FRMD4A: variants seen among roughly 807,000 people sequenced by gnomAD.
FRMD4A encodes FERM domain containing 4A, also known as FERM domain-containing protein 4A.
Under a neutral mutation model 129.1 loss-of-function variants are expected in FRMD4A, and 29 were observed. The ratio of observed to expected loss-of-function variants is 0.22; its 90% CI spans 0.17 to 0.31. The LOEUF (loss-of-function observed/expected upper bound fraction) is 0.31. FRMD4A is among the 10% of genes least tolerant of loss of function. The pLI is 1.00. For synonymous variants in FRMD4A, 634 were observed against 571.6 expected, an observed-to-expected ratio of 1.11 and a Z score of -1.56; for missense variants, 1,272 against 1,375.8, an observed-to-expected ratio of 0.92 and a Z score of 1.19.
chr10:13,785,981 A>G (rs560079010), intron 5 of FRMD4A, among the ~76,000 whole-genome samples: 3 of 152,228 alleles, frequency 2.0e-5, no homozygotes, highest in Non-Finnish European at 4.4e-5. Context: ...ATAGTATTCC[A>G]TGGTGTATAT....
In FRMD4A at chr10:13,646,956, C is replaced by CT; in HGVS notation, c.*81dup. On this transcript the variant is annotated 3_prime_UTR_variant, in exon 25 of 25. Coordinates refer to ENST00000357447, the MANE Select transcript of FRMD4A (RefSeq NM_018027.5). ...GCTCACACGAGGGTCCCGGGCTTGG[C>CT]TTTTTCCTGCCCGTACCACTGGACA... The CT allele has an allele frequency of 1.0e-6, 1 of 982,870 alleles. No individual in the cohort carries two copies. The highest frequency in any genetic ancestry group is 1.2e-6 in the Non-Finnish European group (1 of 827,214). 60.9% of individuals were successfully genotyped at this position (982,870 alleles called of 1,614,324 possible).
chr10:14,235,618 C>A (rs1352694250), intron 2 of FRMD4A, among the ~76,000 whole-genome samples: 5 of 152,172 alleles, frequency 3.3e-5, no homozygotes, highest in Admixed American at 3.3e-4. Context: ...CCTGTTAACA[C>A]GGGTATAACA....
At chr10:13,700,865 T>A (rs2086760851) in intron 14 of FRMD4A, among the ~76,000 whole-genome samples, 1 of 115,908 alleles carries the variant, frequency 8.6e-6, no homozygotes. Flanking sequence ...AGTTTTGCAT[T>A]AAAAAAAAAA....
intron 2 of FRMD4A, among the ~76,000 whole-genome samples, chr10:14,257,270 G>A (rs565435980): frequency 6.6e-5 from 10 of 152,310 alleles, no homozygotes; most frequent in Admixed American, 6.5e-4. Context: ...GGTGGAGGTT[G>A]CAGTGAGCCG....
At chr10:13,818,912 G>T (rs1378393898) in intron 3 of FRMD4A, among the ~76,000 whole-genome samples, 3 of 152,162 alleles carry the variant, frequency 2.0e-5, no homozygotes, top group African/African-American at 7.2e-5. Flanking sequence ...GATCACCTGA[G>T]GCCAGGAGTT....
At chr10:13,966,589 T>C (rs1055270372) in intron 2 of FRMD4A, among the ~76,000 whole-genome samples, 3 of 152,166 alleles carry the variant, frequency 2.0e-5, no homozygotes, top group African/African-American at 7.2e-5. Context: ...GGGAGTGAGA[T>C]GGAAACCCGG....
intron 23 of FRMD4A, chr10:13,653,942 A>G: frequency 5.0e-6 from 1 of 200,294 alleles, no homozygotes; most frequent in Non-Finnish European, 1.0e-5. Flanking sequence ...GTGTTGAGAA[A>G]GAGCAAGTGC....
At chr10:13,972,227 A>G in intron 2 of FRMD4A, 1 of 1,002,868 alleles carries the variant, frequency 1.0e-6, no homozygotes, top group South Asian at 4.4e-5. Flanking sequence ...AGGGTGAGAA[A>G]GCTAAGAGCA....
intron 2 of FRMD4A, among the ~76,000 whole-genome samples, chr10:14,203,552 A>G (rs1842699442): frequency 6.6e-6 from 1 of 152,218 alleles, no homozygotes; most frequent in African/African-American, 2.4e-5. Context: ...CTTCTCTAAT[A>G]AACCTAAAGA....
intron 2 of FRMD4A, among the ~76,000 whole-genome samples, chr10:14,179,995 C>T (rs1328194070): frequency 6.6e-6 from 1 of 152,198 alleles, no homozygotes; most frequent in Non-Finnish European, 1.5e-5. Flanking sequence ...GATTGTGCCA[C>T]TGCACTCCAG....
chr10:13,927,073 G>A (rs1271182024), intron 2 of FRMD4A, among the ~76,000 whole-genome samples: 1 of 152,108 alleles, frequency 6.6e-6, no homozygotes, highest in Non-Finnish European at 1.5e-5. Context: ...GGCCAACATG[G>A]TAAAACCTCA....
chr10:13,852,019 G>C (rs2094146546), intron 3 of FRMD4A, among the ~76,000 whole-genome samples: 1 of 151,652 alleles, frequency 6.6e-6, no homozygotes, highest in Non-Finnish European at 1.5e-5. Context: ...GTGAGCTGTA[G>C]AATTATTTCA....
At chr10:14,210,614 C>T (rs1842908451) in intron 2 of FRMD4A, among the ~76,000 whole-genome samples, 1 of 152,162 alleles carries the variant, frequency 6.6e-6, no homozygotes, top group South Asian at 2.1e-4. Flanking sequence ...TGCTAAAGAC[C>T]ACAGATGGAC....
At chr10:14,123,611 A>G (rs182508260) in intron 2 of FRMD4A, among the ~76,000 whole-genome samples, 1 of 148,542 alleles carries the variant, frequency 6.7e-6, no homozygotes, top group African/African-American at 2.4e-5. Flanking sequence ...TCTCCTTTCT[A>G]AGTCTCTATA....
Position 13,657,332 on chromosome 10 carries a change from G to T in FRMD4A, c.2257C>A (p.His753Asn). The part of the protein sequence containing the change: ...PMDDCSSCTS[H>N]SSSEHYYPAQ... ...GGGTAGTAGTGCTCCGAGCTCGAGT[G>T]GCTGGTGCACGACGAGCAGTCGTCC... The change falls in exon 22 of 25, where the codon CAC becomes AAC. Residue 753 changes from histidine to asparagine, a missense_variant. Around this residue, in one of 2 missense-constraint regions of FRMD4A, gnomAD observed 972 missense variants for 892.3 expected, o/e 1.09. Transcript: ENST00000357447. 1 of 1,610,330 alleles carries T rather than the reference G, an allele frequency of 6.2e-7. No individual in the cohort carries two copies. Among genetic ancestry groups the T allele is most frequent in the South Asian group, 1.1e-5 (1 of 90,968 alleles).
rs141032001 is a variant in FRMD4A at position 13,819,395 on chromosome 10, G to A, written c.112-8487C>T. Among the ~76,000 whole-genome samples, 39 of 151,866 alleles carry A rather than the reference G, an allele frequency of 2.6e-4. No individual in the cohort carries two copies. The East Asian group carries it at 3.3e-3, about 13-fold the overall frequency. ...CCATTTAAATTTTATCCTGCTCAAA[G>A]CCCACTTCCTCCATGAAGCCCTCCC... On this transcript the variant is annotated intron_variant, in intron 3 of 24. Coordinates refer to ENST00000357447, the MANE Select transcript of FRMD4A (RefSeq NM_018027.5).
At chr10:14,169,211 A>AGGAGTGACTCCGAGAT (rs1270324980) in intron 2 of FRMD4A, among the ~76,000 whole-genome samples, 1 of 152,092 alleles carries the variant, frequency 6.6e-6, no homozygotes, top group East Asian at 1.9e-4. Context: ...TGCCTATTTG[A>AGGAGTGACTCCGAGAT]GGAGTGACTC....
intron 3 of FRMD4A, among the ~76,000 whole-genome samples, chr10:13,856,465 A>C (rs1408757763): frequency 6.6e-6 from 1 of 152,100 alleles, no homozygotes; most frequent in African/African-American, 2.4e-5. Flanking sequence ...GGCTCCAGGA[A>C]GTGATAACAA....
At chr10:13,700,964 C>T (rs1478777202) in intron 14 of FRMD4A, among the ~76,000 whole-genome samples, 5 of 150,144 alleles carry the variant, frequency 3.3e-5, no homozygotes, top group Non-Finnish European at 7.4e-5. Context: ...AGAAAGATTC[C>T]TTTTTTCTTT....
Sources: allele counts gnomAD v4.1 joint callset (sites outside exome capture counted in the v4.1 genomes callset), GRCh38; gene constraint gnomAD v4.1.1; regional missense constraint gnomAD v4.1.1; transcripts MANE v1.5; gene names NCBI Gene and HGNC (gene_info 2026-07-23, HGNC 2026-07-21).